HECTD4: variants seen among roughly 807,000 people sequenced by gnomAD.
HECTD4 encodes the protein probable E3 ubiquitin-protein ligase HECTD4.
HECTD4 carries 114 observed loss-of-function variants against 471.5 expected under a neutral mutation model. The observed-to-expected ratio is 0.24, with a 90% CI of 0.21 to 0.28. The LOEUF (loss-of-function observed/expected upper bound fraction) is 0.28. Among genes scored for constraint, HECTD4 ranks in the 10% least tolerant of loss-of-function variants. HECTD4 has a pLI of 1.00. For missense variants in HECTD4, 3,866 were observed against 5,651.5 expected (o/e 0.68, Z 10.13); for synonymous variants, 2,012 against 2,256.0 (o/e 0.89, Z 3.07).
chr12:112,356,027 G>A (rs1198646191), intron 1 of HECTD4, among the ~76,000 whole-genome samples: 1 of 152,116 alleles, frequency 6.6e-6, no homozygotes, highest in African/African-American at 2.4e-5. Context: ...ACTGGGGAGA[G>A]TCACTTGGCT....
At chr12:112,274,489 T>A (rs1411024779) in intron 10 of HECTD4, among the ~76,000 whole-genome samples, 1 of 152,208 alleles carries the variant, frequency 6.6e-6, no homozygotes, top group Non-Finnish European at 1.5e-5. Flanking sequence ...GAAGATTGCT[T>A]GAGCCTAGGA....
chr12:112,308,469 A>C (rs995918246), intron 6 of HECTD4, among the ~76,000 whole-genome samples: 3 of 151,878 alleles, frequency 2.0e-5, no homozygotes, highest in Admixed American at 1.3e-4. Context: ...AAAAAAAAAA[A>C]ACCAGCTAGT....
chr12:112,210,381 C>G (rs2032726808), intron 49 of HECTD4, 129 bp from the exon 50 acceptor site: 1 of 933,296 alleles, frequency 1.1e-6, no homozygotes, highest in African/African-American at 1.6e-5. Context: ...GCATGAGAAA[C>G]CAGGTGGGGG....
chr12:112,266,856 T>G, intron 14 of HECTD4, 56 bp downstream of exon 14: 1 of 867,344 alleles, frequency 1.2e-6, no homozygotes, highest in Non-Finnish European at 1.9e-6. Flanking sequence ...TGCAGTTGTT[T>G]CCTTGGGGAC....
In HECTD4 at chr12:112,382,308, G is replaced by A. The variant is rs1464201129; in HGVS notation, c.-180C>T. 4.2e-6 allele frequency: 2 copies of A among 473,886 alleles called. No homozygotes were observed. The highest frequency in any genetic ancestry group is 4.6e-5 in the East Asian group (1 of 21,530). The allele number at this position is 473,886 out of a possible 1,614,324, so 29.4% of individuals were successfully genotyped here. The stretch of plus-strand genomic sequence containing the variant: ...CCGAGTCGCCATACCCCCGACCCCG[G>A]CCCGGGAGACCCCGGCCCTGCCGCC... On this transcript the variant is annotated 5_prime_UTR_variant, in exon 1 of 76. Coordinates refer to ENST00000682272, the MANE Select transcript of HECTD4 (RefSeq NM_001388303.1).
At position 112,308,927 on chromosome 12, in the gene HECTD4, G is replaced by A. The variant is rs2035322283; in HGVS notation, c.1026-36C>T. 7 of 1,523,486 alleles carry A rather than the reference G, an allele frequency of 4.6e-6. No homozygotes were observed. In the East Asian group the frequency reaches 1.7e-4, roughly 37 times the overall value. The allele number at this position is 1,523,486 out of a possible 1,614,324, so 94.4% of individuals were successfully genotyped here. A position where few individuals can be genotyped will look rare whatever the true frequency, so the allele number is the denominator to read the frequency against. ...AAATGGAGCACAGGCTGAATCACCTGGCTATGTCAGAAACCCCACACAAGC... is the reference window on the plus strand; with the variant it reads ...AAATGGAGCACAGGCTGAATCACCTAGCTATGTCAGAAACCCCACACAAGC... On this transcript the variant is annotated intron_variant, in intron 5 of 75. Coordinates refer to ENST00000682272, the MANE Select transcript of HECTD4 (RefSeq NM_001388303.1).
At chr12:112,232,032 A>C (rs1462645972) in intron 38 of HECTD4, among the ~76,000 whole-genome samples, 4 of 152,144 alleles carry the variant, frequency 2.6e-5, no homozygotes, top group African/African-American at 9.7e-5. Context: ...ATACACAGAG[A>C]TCTACCTCAT....
At position 112,185,016 on chromosome 12, in the gene HECTD4, A is replaced by T. The variant is rs1293599198; in HGVS notation, c.9950T>A (p.Met3317Lys). ...SLLSKRKKVK[M>K]KREKASSSGK... ...CGACGAGGAGGCCTTTTCCCGCTTCATCTTGACTTTTTTCCTCTTGGAGAG... is the reference window on the plus strand; with the variant it reads ...CGACGAGGAGGCCTTTTCCCGCTTCTTCTTGACTTTTTTCCTCTTGGAGAG... The change falls in exon 61 of 76, where the codon ATG becomes AAG. Residue 3317 changes from methionine to lysine, a missense_variant. By Grantham distance (95) the Met-to-Lys change is moderately conservative. Around this residue, in one of 16 missense-constraint regions of HECTD4, gnomAD observed 57 missense variants for 49.8 expected, o/e 1.14. Transcript: ENST00000682272. The T allele has an allele frequency of 6.2e-7, 1 of 1,605,822 alleles. No homozygotes were observed. Among genetic ancestry groups the T allele is most frequent in the East Asian group, 2.2e-5 (1 of 44,610 alleles).
intron 13 of HECTD4, among the ~76,000 whole-genome samples, chr12:112,268,175 A>T (rs1018690219): frequency 7.9e-5 from 12 of 152,174 alleles, no homozygotes; most frequent in African/African-American, 2.4e-5. Flanking sequence ...ACATATTTAC[A>T]GTGTACAATC....
intron 16 of HECTD4, 38 bp downstream of exon 16, chr12:112,265,137 G>C: frequency 1.9e-6 from 3 of 1,545,906 alleles, no homozygotes; most frequent in Non-Finnish European, 1.8e-6. Flanking sequence ...AGGGATGCTT[G>C]ATATAATTTT....
At chr12:112,267,859 T>C (rs1016780846) in intron 13 of HECTD4, among the ~76,000 whole-genome samples, 2 of 152,210 alleles carry the variant, frequency 1.3e-5, no homozygotes, top group African/African-American at 4.8e-5. Context: ...TCACCCAGGC[T>C]GGAGTGCATG....
chr12:112,189,151 C>T (rs751400684), intron 60 of HECTD4, among the ~76,000 whole-genome samples: 16 of 152,108 alleles, frequency 1.1e-4, no homozygotes, highest in Non-Finnish European at 1.8e-4. Context: ...AACCACACTG[C>T]GCTTGGCCCT....
chr12:112,302,719 T>G, intron 7 of HECTD4: 1 of 434,010 alleles, frequency 2.3e-6, no homozygotes, highest in Non-Finnish European at 4.1e-6. Flanking sequence ...TTCTCATTTT[T>G]AATCTTCATA....
At chr12:112,273,579 T>C in intron 11 of HECTD4, 76 bp downstream of exon 11, 2 of 1,407,670 alleles carry the variant, frequency 1.4e-6, no homozygotes, top group Non-Finnish European at 9.9e-7. Context: ...GGCTATGTTT[T>C]CACCTACTAA....
At chr12:112,280,227 C>T (rs574604645) in intron 8 of HECTD4, among the ~76,000 whole-genome samples, 2 of 152,224 alleles carry the variant, frequency 1.3e-5, no homozygotes, top group South Asian at 2.1e-4. Flanking sequence ...CCCTTATATA[C>T]ATTTTTCTTT....
At chr12:112,185,559 T>C (rs1225939610) in intron 60 of HECTD4, 66 bp from the exon 61 acceptor site, 3 of 1,276,548 alleles carry the variant, frequency 2.4e-6, no homozygotes, top group African/African-American at 1.5e-5. Flanking sequence ...GGCGCAGTTC[T>C]GAGCCTGGAA....
intron 11 of HECTD4, among the ~76,000 whole-genome samples, chr12:112,271,804 T>C (rs2034419760): frequency 6.6e-6 from 1 of 152,198 alleles, no homozygotes; most frequent in East Asian, 1.9e-4. Context: ...ATAATCTCTT[T>C]ACTGAAATTC....
rs1054976203 is a variant in HECTD4, at chr12:112,323,807, C to G, written c.178-4065G>C. Among the ~76,000 whole-genome samples, 14 of 151,628 alleles carry G rather than the reference C, an allele frequency of 9.2e-5. No homozygotes were observed. In the South Asian group the frequency reaches 1.0e-3, roughly 11 times the overall value. On this transcript the variant is annotated intron_variant, in intron 1 of 75. Coordinates refer to ENST00000682272, the MANE Select transcript of HECTD4 (RefSeq NM_001388303.1). ...CACCTCCCAAAAAAGGCCAGTTTGA[C>G]TGTATAACTTTAAAGATTAAATAAA...
intron 7 of HECTD4, among the ~76,000 whole-genome samples, chr12:112,290,465 G>T (rs1295839565): frequency 6.6e-6 from 1 of 151,834 alleles, no homozygotes; most frequent in Non-Finnish European, 1.5e-5. Flanking sequence ...GTTCTAGGCT[G>T]CAGTGAACTG....
Sources: allele counts gnomAD v4.1 joint callset (sites outside exome capture counted in the v4.1 genomes callset), GRCh38; gene constraint gnomAD v4.1.1; regional missense constraint gnomAD v4.1.1; transcripts MANE v1.5; gene names NCBI Gene and HGNC (gene_info 2026-07-23, HGNC 2026-07-21).